Variants in VAV2 observed in about 807,000 individuals in gnomAD.
The protein encoded by VAV2 is guanine nucleotide exchange factor VAV2.
VAV2 carries 67 observed loss-of-function variants against 132.5 expected under a neutral mutation model. That is an observed-to-expected ratio of 0.51 (90% CI 0.42 to 0.62). The LOEUF (loss-of-function observed/expected upper bound fraction) is 0.62, where lower values mean the gene tolerates loss of function less well. VAV2 is among the 20% of genes least tolerant of loss of function. The probability of loss-of-function intolerance (pLI) is 0.00; values close to 1 mark genes in which losing one functional copy is unlikely to be tolerated. For synonymous variants in VAV2, 492 were observed against 443.5 expected (o/e 1.11, Z -1.37); for missense variants, 938 against 1,153.6 (o/e 0.81, Z 2.71).
intron 1 of VAV2, among the ~76,000 whole-genome samples, chr9:133,940,720 C>T (rs184171607): frequency 5.9e-5 from 8 of 134,646 alleles, no homozygotes; most frequent in East Asian, 2.2e-4. Flanking sequence ...TCTGAACACT[C>T]GAGATTAACT....
intron 4 of VAV2, among the ~76,000 whole-genome samples, chr9:133,832,588 C>A: frequency 6.6e-6 from 1 of 151,594 alleles, no homozygotes; most frequent in African/African-American, 2.4e-5. Flanking sequence ...GACGGAGTTT[C>A]ACTCTTGTCG....
At chr9:133,852,878 C>T (rs1178678168) in intron 3 of VAV2, among the ~76,000 whole-genome samples, 1 of 152,160 alleles carries the variant, frequency 6.6e-6, no homozygotes, top group Non-Finnish European at 1.5e-5. Flanking sequence ...CATTGGGCCC[C>T]CCCTGCCATT....
At chr9:133,940,353 C>T (rs924605484) in intron 1 of VAV2, among the ~76,000 whole-genome samples, 1 of 152,226 alleles carries the variant, frequency 6.6e-6, no homozygotes, top group Admixed American at 6.5e-5. Context: ...TATGGACAAA[C>T]TGCCCAGCTC....
At chr9:133,784,821 G>T (rs1354537926) in intron 17 of VAV2, among the ~76,000 whole-genome samples, 1 of 152,130 alleles carries the variant, frequency 6.6e-6, no homozygotes. Context: ...AGGTACTCAG[G>T]GGGGCTGCAC....
At position 133,857,050 on chromosome 9, in the gene VAV2, C is replaced by A. The variant is rs976862646; in HGVS notation, c.380+4324G>T. Among the ~76,000 whole-genome samples, 1 of 152,168 alleles carries A rather than the reference C, an allele frequency of 6.6e-6. No homozygotes were observed. The highest frequency in any genetic ancestry group is 1.5e-5 in the Non-Finnish European group (1 of 68,038). ...AAGAGACAAAGGTTCCAAGAGCATCCCTGCCCAAGGTCATTTGGCTGACAG... is the reference window on the plus strand; with the variant it reads ...AAGAGACAAAGGTTCCAAGAGCATCACTGCCCAAGGTCATTTGGCTGACAG... On this transcript the variant is annotated intron_variant, in intron 3 of 29. Coordinates refer to ENST00000371850, the MANE Select transcript of VAV2 (RefSeq NM_001134398.2). The surrounding 1 kb of genome is among the most constrained non-coding windows in gnomAD (Gnocchi z 4.0).
chr9:133,981,472 G>T (rs2132291720), intron 1 of VAV2, among the ~76,000 whole-genome samples: 1 of 152,354 alleles, frequency 6.6e-6, no homozygotes. Flanking sequence ...CTGATGCTGA[G>T]GGAGGGCAGG....
chr9:133,818,049 T>G (rs773863532), intron 4 of VAV2, among the ~76,000 whole-genome samples: 1 of 152,150 alleles, frequency 6.6e-6, no homozygotes, highest in African/African-American at 2.4e-5. Context: ...TCCAATCCAT[T>G]GAGGGCCCAC....
intron 2 of VAV2, among the ~76,000 whole-genome samples, chr9:133,895,374 A>G (rs960917278): frequency 2.6e-5 from 4 of 152,228 alleles, no homozygotes; most frequent in African/African-American, 7.2e-5. Context: ...GTGCGCATCT[A>G]TAATTACCCT....
chr9:133,977,831 C>T (rs1452462099), intron 1 of VAV2, among the ~76,000 whole-genome samples: 1 of 152,232 alleles, frequency 6.6e-6, no homozygotes, highest in Non-Finnish European at 1.5e-5. Flanking sequence ...GGGGGCAGCA[C>T]CTGAGTCAGG....
intron 4 of VAV2, among the ~76,000 whole-genome samples, chr9:133,818,895 C>T (rs1331957403): frequency 6.6e-6 from 1 of 152,094 alleles, no homozygotes; most frequent in Non-Finnish European, 1.5e-5. Flanking sequence ...CAGGCACTCA[C>T]CATGATGCCC....
intron 2 of VAV2, among the ~76,000 whole-genome samples, chr9:133,870,888 ATGGGTGAGTGCG>A (rs1355573950): frequency 3.6e-4 from 29 of 80,014 alleles, no homozygotes; most frequent in African/African-American, 1.5e-3. Flanking sequence ...GTGGATGGAT[ATGGGTGAGTGCG>A]TGGGTGGGTG....
At chr9:133,979,424 C>G (rs575056916) in intron 1 of VAV2, among the ~76,000 whole-genome samples, 13 of 151,512 alleles carry the variant, frequency 8.6e-5, no homozygotes, top group African/African-American at 3.2e-4. Context: ...CACACGAAGC[C>G]AGGCCCAGAG....
intron 1 of VAV2, among the ~76,000 whole-genome samples, chr9:133,939,779 T>G (rs1298754849): frequency 2.0e-5 from 3 of 152,122 alleles, no homozygotes; most frequent in Non-Finnish European, 2.9e-5. Flanking sequence ...TAATCACGGG[T>G]GACAAAGCCA....
chr9:133,954,166 G>A (rs1633759), intron 1 of VAV2, among the ~76,000 whole-genome samples: 44,391 of 152,086 alleles, frequency 0.29, 6,812 homozygotes, highest in East Asian at 0.41. Flanking sequence ...CCATCATTTC[G>A]AGAAGAAAGA....
Position 133,775,029 on chromosome 9 carries a change from G to T in VAV2, c.2041C>A (p.Gln681Lys). Residue 681 changes from glutamine to lysine, a missense_variant, in exon 25 of 30, where the codon CAG becomes AAG. Physicochemically the swap from Gln to Lys is moderately conservative, Grantham distance 53 (BLOSUM62 1). Coordinates refer to ENST00000371850, the MANE Select transcript of VAV2 (RefSeq NM_001134398.2). The part of the protein sequence containing the change: ...YPWFAGNMER[Q>K]QTDNLLKSHA... Reference sequence around the variant, plus strand: ...GACTTGAGCAGGTTGTCCGTCTGCTGCCTCTCCATGTTACCTGCAAACCTA... The same window carrying T: ...GACTTGAGCAGGTTGTCCGTCTGCTTCCTCTCCATGTTACCTGCAAACCTA... 6.2e-7 allele frequency: 1 copy of T among 1,611,500 alleles called. No homozygotes were observed. The highest frequency in any genetic ancestry group is 8.5e-7 in the Non-Finnish European group (1 of 1,178,978).
chr9:133,776,069 G>A lies in VAV2; in HGVS notation c.1977C>T (p.Ser659=). ...PCPVDGRPPI[S]RPPSREIDYT... is the part of the protein sequence containing the mutation. Reference sequence around the variant, plus strand: ...AGTCGATCTCCCGGGATGGCGGCCGGCTGATGGGCGGCTGGTGGCAGAGCA... The same window carrying A: ...AGTCGATCTCCCGGGATGGCGGCCGACTGATGGGCGGCTGGTGGCAGAGCA... The change falls in exon 24 of 30, where the codon AGC becomes AGT. Residue 659 remains serine, a synonymous_variant. Coordinates refer to ENST00000371850, the MANE Select transcript of VAV2 (RefSeq NM_001134398.2). 6.2e-7 allele frequency: 1 copy of A among 1,613,124 alleles called. No homozygotes were observed. The highest frequency in any genetic ancestry group is 8.5e-7 in the Non-Finnish European group (1 of 1,179,752).
Position 133,883,179 on chromosome 9 carries a change from G to A in VAV2, c.322-21747C>T, listed in dbSNP as rs184204342. The stretch of plus-strand genomic sequence containing the variant: ...CCCTGAGCCTGCAAAAGACTCGGCT[G>A]TCCCCACACACCACTCCTGGAGCAG... On this transcript the variant is annotated intron_variant, in intron 2 of 29. Transcript: ENST00000371850. This position sits in a 1 kb window ranked among gnomAD's most constrained non-coding sequence, Gnocchi z 4.2. 1.5e-3 allele frequency among the ~76,000 whole-genome samples: 230 copies of A among 152,346 alleles called. No individual in the cohort carries two copies. The highest frequency in any genetic ancestry group is 5.0e-3 in the African/African-American group (209 of 41,572).
At chr9:133,814,923 G>A (rs575847557) in intron 4 of VAV2, among the ~76,000 whole-genome samples, 2 of 152,306 alleles carry the variant, frequency 1.3e-5, no homozygotes, top group Non-Finnish European at 2.9e-5. Flanking sequence ...GCCTCCCACC[G>A]CAGTGGCCTT....
Position 133,818,314 on chromosome 9 carries a change from T to A in VAV2, c.450-6098A>T, listed in dbSNP as rs772813278. On this transcript the variant is annotated intron_variant, in intron 4 of 29. Transcript: ENST00000371850. ...CTGGGAGGCAGAGCTTGCAGTGAGG[T>A]GAGATCGCGCCACTGCACTCCAGCC... Among the ~76,000 whole-genome samples, 5 of 143,124 alleles carry A rather than the reference T, an allele frequency of 3.5e-5. No individual in the cohort carries two copies. In the East Asian group the frequency reaches 1.0e-3, roughly 29 times the overall value. The allele number at this position is 143,124 out of a possible 152,430, so 93.9% of individuals were successfully genotyped here.
Sources: gnomAD v4.1 joint callset for allele counts (sites outside exome capture counted in the v4.1 genomes callset) on GRCh38, gnomAD v4.1.1 for gene constraint, Gnocchi (gnomAD v3.1) non-coding constraint, MANE v1.5 for transcripts, NCBI Gene and HGNC (gene_info 2026-07-23, HGNC 2026-07-21) for gene names.